The following HLA-DOB variants were observed in gnomAD, a reference collection of about 807,000 sequenced individuals.
HLA-DOB encodes HLA class II histocompatibility antigen, DO beta chain.
A neutral mutation model predicts 27.7 loss-of-function variants in HLA-DOB; 25 were observed. The ratio of observed to expected loss-of-function variants is 0.90; its 90% CI spans 0.66 to 1.26. The LOEUF (loss-of-function observed/expected upper bound fraction) is 1.26, where lower values mean the gene tolerates loss of function less well. HLA-DOB is among the 50% of genes most tolerant of loss of function. The probability of loss-of-function intolerance (pLI) is 0.00; values close to 1 mark genes in which losing one functional copy is unlikely to be tolerated. For synonymous variants in HLA-DOB, 137 were observed against 125.6 expected (o/e 1.09, Z -0.61); for missense variants, 306 against 324.9 (o/e 0.94, Z 0.45).
At chr6:32,815,922 T>C (rs1044893765) in intron 1 of HLA-DOB, among the ~76,000 whole-genome samples, 1 of 152,232 alleles carries the variant, frequency 6.6e-6, no homozygotes, top group African/African-American at 2.4e-5. Flanking sequence ...ACCCCACTTA[T>C]CCCTCACTCA....
Position 32,816,892 on chromosome 6 carries a change from ATCCAGTCGGGTCAGAT to A in HLA-DOB, c.44_59del (p.Asn15IlefsTer4). ...AGTCTGTGCCTTGAGTCATGGAGGA[ATCCAGTCGGGTCAGAT>A]TCACTAGCAGAGCCACCACCCAGGG... On this transcript the variant is annotated frameshift_variant, in exon 1 of 6. Transcript: ENST00000438763. LOFTEE classifies it high-confidence loss of function. 6.2e-7 allele frequency: 1 copy of A among 1,613,022 alleles called. No individual in the cohort carries two copies. Among genetic ancestry groups the A allele is most frequent in the East Asian group, 2.2e-5 (1 of 44,886 alleles).
chr6:32,813,435 AT>A lies in HLA-DOB; in HGVS notation c.786+4del, dbSNP rs1767882599. The A allele has an allele frequency of 1.9e-6, 3 of 1,613,028 alleles. No homozygotes were observed. The highest frequency in any genetic ancestry group is 2.5e-6 in the Non-Finnish European group (3 of 1,179,884). ...CACTCAAAGACAAGGAAAAAGAGACATTACCTCATTACCAGACATCTGCGTC... is the reference window on the plus strand; with the variant it reads ...CACTCAAAGACAAGGAAAAAGAGACATACCTCATTACCAGACATCTGCGTC... On this transcript the variant is annotated splice_donor_region_variant and intron_variant, in intron 5 of 5. Coordinates refer to ENST00000438763, the MANE Select transcript of HLA-DOB (RefSeq NM_002120.4).
Position 32,812,947 on chromosome 6 carries a change from G to A in HLA-DOB, c.*269C>T, listed in dbSNP as rs11244. Reference sequence around the variant, plus strand: ...ACCACAGAAAAGTAAATGATTTGGGGCTGGAAGGAGTAAGGTCTCAGGGGA... The same window carrying A: ...ACCACAGAAAAGTAAATGATTTGGGACTGGAAGGAGTAAGGTCTCAGGGGA... On this transcript the variant is annotated 3_prime_UTR_variant, in exon 6 of 6. Transcript: ENST00000438763. The A allele has an allele frequency of 0.28, 154,424 of 547,764 alleles. 22,864 individuals are homozygous for A. The highest frequency in any genetic ancestry group is 0.37 in the Middle Eastern group (770 of 2,086). 33.9% of individuals were successfully genotyped at this position (547,764 alleles called of 1,614,324 possible). A position where few individuals can be genotyped will look rare whatever the true frequency, so the allele number is the denominator to read the frequency against.
intron 1 of HLA-DOB, among the ~76,000 whole-genome samples, chr6:32,815,570 C>G (rs1480660533): frequency 6.6e-6 from 1 of 152,176 alleles, no homozygotes; most frequent in Non-Finnish European, 1.5e-5. Context: ...TTACCAGACA[C>G]GTTTAGAATG....
In HLA-DOB at chr6:32,813,787, T is replaced by C; in HGVS notation, c.690A>G (p.Ala230=). 1 of 1,565,378 alleles carries C rather than the reference T, an allele frequency of 6.4e-7. No individual in the cohort carries two copies. The highest frequency in any genetic ancestry group is 8.7e-7 in the Non-Finnish European group (1 of 1,153,250). The part of the protein sequence containing the change: ...YSWRKMLSGI[A]AFLLGLIFLL... ...GGAAGATTAGCCCAAGTAGGAAGGC[T>C]GCAATGCCACTCAGCATCTTTCTCC... Residue 230 remains alanine, a synonymous_variant, in exon 4 of 6, where the codon GCA becomes GCG. Coordinates refer to ENST00000438763, the MANE Select transcript of HLA-DOB (RefSeq NM_002120.4).
chr6:32,816,928 C>T lies in HLA-DOB; in HGVS notation c.24G>A (p.Trp8Ter). MGSGWVP[W>*]VVALLVNLTR... ...TCAGATTCACTAGCAGAGCCACCAC[C>T]CAGGGGACCCACCCAGAACCCATTC... Residue 8 changes from tryptophan (W) to a stop codon, truncating the protein, a stop_gained, in exon 1 of 6, where the codon TGG becomes TGA. Transcript: ENST00000438763. LOFTEE classifies it high-confidence loss of function. 2 of 1,612,852 alleles carry T rather than the reference C, an allele frequency of 1.2e-6. No individual in the cohort carries two copies. The highest frequency in any genetic ancestry group is 1.7e-6 in the Non-Finnish European group (2 of 1,179,908).
rs763150534 is a variant in HLA-DOB at position 32,815,056 on chromosome 6, C to G, written c.349G>C (p.Val117Leu). 36 of 1,614,016 alleles carry G rather than the reference C, an allele frequency of 2.2e-5. No individual in the cohort carries two copies. The highest frequency in any genetic ancestry group is 4.0e-5 in the African/African-American group (3 of 74,922). Residue 117 changes from valine to leucine, a missense_variant, in exon 2 of 6, where the codon GTG becomes CTG. Val to Leu is a conservative substitution (Grantham distance 32). Coordinates refer to ENST00000438763, the MANE Select transcript of HLA-DOB (RefSeq NM_002120.4). Reference protein sequence around the residue: ...HNYRLGAPFTVGRKVQPEVTV... With the variant: ...HNYRLGAPFTLGRKVQPEVTV... The stretch of plus-strand genomic sequence containing the variant: ...GCTTCCAGCTCACCTTTTCTCCCCA[C>G]AGTGAAGGGTGCGCCCAGCCTGTAG...
rs144504518 is a variant in HLA-DOB, at chr6:32,815,211, C to T, written c.194G>A (p.Arg65His). The T allele has an allele frequency of 1.2e-5, 19 of 1,614,114 alleles. No homozygotes were observed. Among genetic ancestry groups the T allele is most frequent in the Admixed American group, 3.3e-5 (2 of 60,008 alleles). Residue 65 changes from arginine to histidine, a missense_variant, in exon 2 of 6, where the codon CGT becomes CAT. Arg to His is a conservative substitution (Grantham distance 29). Transcript: ENST00000438763. ...RFIFNLEEYV[R>H]FDSDVGMFVA... ...AAACATCCCCACATCACTGTCGAAACGTACATACTCCTCCAAGTTAAAGAT... is the reference window on the plus strand; with the variant it reads ...AAACATCCCCACATCACTGTCGAAATGTACATACTCCTCCAAGTTAAAGAT...
Position 32,813,789 on chromosome 6 carries a change from CA to C in HLA-DOB, c.687del (p.Ile229MetfsTer8). 1 of 1,564,462 alleles carries C rather than the reference CA, an allele frequency of 6.4e-7. No homozygotes were observed. Among genetic ancestry groups the C allele is most frequent in the East Asian group, 2.3e-5 (1 of 42,912 alleles). ...AAGATTAGCCCAAGTAGGAAGGCTG[CA>C]ATGCCACTCAGCATCTTTCTCCAAG... ...EYSWRKMLSGIAAFLLGLIFL... is the reference protein window; with the variant it reads ...EYSWRKMLSGXAAFLLGLIFL... On this transcript the variant is annotated frameshift_variant, in exon 4 of 6. Transcript: ENST00000438763. LOFTEE classifies it high-confidence loss of function.
chr6:32,816,768 C>A, intron 1 of HLA-DOB, 93 bp downstream of exon 1: 1 of 990,888 alleles, frequency 1.0e-6, no homozygotes, highest in South Asian at 1.5e-5. Flanking sequence ...CACTTCCAGT[C>A]TGGTCTGTGG....
rs771811552 is a variant in HLA-DOB, at chr6:32,815,039, C to G, written c.361+5G>C. On this transcript the variant is annotated splice_donor_5th_base_variant and intron_variant, in intron 2 of 5. Transcript: ENST00000438763. Reference sequence around the variant, plus strand: ...AGCCCCGCCAGACCTCAGCTTCCAGCTCACCTTTTCTCCCCACAGTGAAGG... The same window carrying G: ...AGCCCCGCCAGACCTCAGCTTCCAGGTCACCTTTTCTCCCCACAGTGAAGG... The G allele has an allele frequency of 6.2e-7, 1 of 1,613,186 alleles. No homozygotes were observed. Among genetic ancestry groups the G allele is most frequent in the Non-Finnish European group, 8.5e-7 (1 of 1,179,218 alleles).
chr6:32,814,648 C>G (rs757591344), intron 2 of HLA-DOB, 47 bp from the exon 3 acceptor site: 6 of 1,527,414 alleles, frequency 3.9e-6, no homozygotes, highest in South Asian at 2.3e-5. Flanking sequence ...AACCACCAAG[C>G]TGGGACAGGA....
intron 1 of HLA-DOB, among the ~76,000 whole-genome samples, chr6:32,816,073 G>A (rs1259659153): frequency 6.6e-6 from 1 of 151,606 alleles, no homozygotes. Context: ...TTTTTCAGTT[G>A]TATTGTTTAA....
chr6:32,813,492 G>T (rs574706434), intron 4 of HLA-DOB, 21 bp from the exon 5 acceptor site: 9 of 1,611,832 alleles, frequency 5.6e-6, no homozygotes, highest in Non-Finnish European at 6.8e-6. Context: ...ATCGAGAAAA[G>T]AATGGATTGC....
chr6:32,813,122 G>C lies in HLA-DOB; in HGVS notation c.*94C>G. ...GGATCAGGGAAGAGAGTTATTCCCA[G>C]AACATTGACCTCATGAATGTCCTTT... On this transcript the variant is annotated 3_prime_UTR_variant, in exon 6 of 6. Transcript: ENST00000438763. The C allele has an allele frequency of 8.8e-7, 1 of 1,134,936 alleles. No individual in the cohort carries two copies. Among genetic ancestry groups the C allele is most frequent in the East Asian group, 2.3e-5 (1 of 42,838 alleles). The allele number at this position is 1,134,936 out of a possible 1,614,324, so 70.3% of individuals were successfully genotyped here.
chr6:32,814,625 C>T (rs765471032), intron 2 of HLA-DOB, 24 bp from the exon 3 acceptor site: 1 of 1,600,182 alleles, frequency 6.2e-7, no homozygotes, highest in Non-Finnish European at 8.5e-7. Flanking sequence ...AAAAATGAGA[C>T]ACCGTGAAAG....
chr6:32,814,450 AG>A lies in HLA-DOB; in HGVS notation c.512del (p.Thr171MetfsTer15), dbSNP rs768479460. 1.2e-6 allele frequency: 2 copies of A among 1,613,072 alleles called. No individual in the cohort carries two copies. The highest frequency in any genetic ancestry group is 1.7e-6 in the Non-Finnish European group (2 of 1,180,016). ...GQEERAGVMS[T>X]GPIRNGDWTF... ...TCCAGTCTCCATTCCTGATAGGGCC[AG>A]TGGACATGACCCCAGCTCTCTCCTC... is the stretch of plus-strand genomic sequence containing the variant. On this transcript the variant is annotated frameshift_variant, in exon 3 of 6. Coordinates refer to ENST00000438763, the MANE Select transcript of HLA-DOB (RefSeq NM_002120.4). LOFTEE classifies it high-confidence loss of function.
At position 32,816,918 on chromosome 6, in the gene HLA-DOB, G is replaced by C; in HGVS notation, c.34C>G (p.Leu12Val). The part of the protein sequence containing the change: ...GSGWVPWVVA[L>V]LVNLTRLDSS... ...TCCAGTCGGGTCAGATTCACTAGCA[G>C]AGCCACCACCCAGGGGACCCACCCA... Residue 12 changes from leucine to valine, a missense_variant, in exon 1 of 6, where the codon CTG (leucine) becomes GTG (valine). By Grantham distance (32) the Leu-to-Val change is conservative. Coordinates refer to ENST00000438763, the MANE Select transcript of HLA-DOB (RefSeq NM_002120.4). 6.2e-7 allele frequency: 1 copy of C among 1,612,984 alleles called. No individual in the cohort carries two copies. Among genetic ancestry groups the C allele is most frequent in the Non-Finnish European group, 8.5e-7 (1 of 1,179,970 alleles).
Position 32,813,112 on chromosome 6 carries a change from GTTA to G in HLA-DOB, c.*101_*103del. 1.9e-6 allele frequency: 2 copies of G among 1,047,652 alleles called. No homozygotes were observed. The highest frequency in any genetic ancestry group is 3.0e-6 in the Non-Finnish European group (2 of 665,000). The allele number at this position is 1,047,652 out of a possible 1,614,324, so 64.9% of individuals were successfully genotyped here. A position where few individuals can be genotyped will look rare whatever the true frequency, so the allele number is the denominator to read the frequency against. ...GCTCCTCCAAGGATCAGGGAAGAGA[GTTA>G]TTCCCAGAACATTGACCTCATGAAT... On this transcript the variant is annotated 3_prime_UTR_variant, in exon 6 of 6. Coordinates refer to ENST00000438763, the MANE Select transcript of HLA-DOB (RefSeq NM_002120.4).
Sources: gnomAD v4.1 joint callset for allele counts (sites outside exome capture counted in the v4.1 genomes callset) on GRCh38, gnomAD v4.1.1 for gene constraint, MANE v1.5 for transcripts, NCBI Gene and HGNC (gene_info 2026-07-23, HGNC 2026-07-21) for gene names.